FARP1: variants seen among roughly 807,000 people sequenced by gnomAD.
FARP1 encodes the protein FERM, ARH/RhoGEF and pleckstrin domain protein 1.
A neutral mutation model predicts 128.8 loss-of-function variants in FARP1; 52 were observed. The observed-to-expected ratio is 0.40, with a 90% CI of 0.32 to 0.51. The LOEUF (loss-of-function observed/expected upper bound fraction) is 0.51. Ranked by LOEUF, FARP1 falls within the 20% of genes least tolerant of loss-of-function variation. FARP1 has a pLI of 0.45. For missense variants in FARP1, 1,333 were observed against 1,367.9 expected (o/e 0.97, Z 0.40); for synonymous variants, 580 against 551.8 (o/e 1.05, Z -0.72).
intron 17 of FARP1, among the ~76,000 whole-genome samples, chr13:98,426,291 G>C (rs7996557): frequency 0.081 from 12,391 of 152,138 alleles, 1,464 homozygotes; most frequent in African/African-American, 0.26. Flanking sequence ...AAGTTTGAGA[G>C]CAGCCTAGAC....
At chr13:98,259,068 G>T (rs1481100497) in intron 2 of FARP1, among the ~76,000 whole-genome samples, 5 of 151,992 alleles carry the variant, frequency 3.3e-5, no homozygotes, top group Non-Finnish European at 7.4e-5. Flanking sequence ...AAAAAAATCT[G>T]AGTGTGGTAG....
chr13:98,398,206 A>AATCATTTGATT (rs1890629724), intron 13 of FARP1: 3 of 152,218 alleles, frequency 2.0e-5, no homozygotes, highest in African/African-American at 7.2e-5. Flanking sequence ...CCATTTTTAT[A>AATCATTTGATT]CAGACTTTTT....
chr13:98,385,028 G>A (rs1890045237), intron 7 of FARP1, among the ~76,000 whole-genome samples, 184 bp downstream of exon 7: 1 of 152,122 alleles, frequency 6.6e-6, no homozygotes, highest in South Asian at 2.1e-4. Context: ...AGAAGCACAG[G>A]TCACCCACTG....
At chr13:98,288,079 C>T (rs761384504) in intron 2 of FARP1, among the ~76,000 whole-genome samples, 1 of 152,118 alleles carries the variant, frequency 6.6e-6, no homozygotes, top group Non-Finnish European at 1.5e-5. Context: ...GGATTACAGA[C>T]GTGAGCCTCC....
At position 98,245,704 on chromosome 13, in the gene FARP1, C is replaced by T. The variant is rs147779838; in HGVS notation, c.171+32291C>T. On this transcript the variant is annotated intron_variant, in intron 2 of 26. Coordinates refer to ENST00000319562, the MANE Select transcript of FARP1 (RefSeq NM_005766.4). ...TACAAAGGTGTTACATGGTTACTTA[C>T]AGTAACAATTTCGAGCAGCACAGAA... Among the ~76,000 whole-genome samples, 614 of 152,282 alleles carry T rather than the reference C, an allele frequency of 4.0e-3. 11 individuals carry two copies. Among genetic ancestry groups the T allele is most frequent in the African/African-American group, 0.014 (568 of 41,562 alleles).
At chr13:98,209,006 T>G (rs1880481010) in intron 1 of FARP1, among the ~76,000 whole-genome samples, 1 of 152,130 alleles carries the variant, frequency 6.6e-6, no homozygotes, top group South Asian at 2.1e-4. Flanking sequence ...TCCTGAGTTT[T>G]GTTTGTTTGT....
chr13:98,444,000 C>T lies in FARP1; in HGVS notation c.2797-2098C>T, dbSNP rs1161030977. 4.9e-5 allele frequency among the ~76,000 whole-genome samples: 7 copies of T among 142,504 alleles called. No individual in the cohort carries two copies. The South Asian group carries it at 1.4e-3, about 28-fold the overall frequency. The allele number at this position is 142,504 out of a possible 152,430, so 93.5% of individuals were successfully genotyped here. ...GGCCACAGAAACATCTCCCACAGTG[C>T]GGGAAGCCGGAAGTCCAAAATCAAG... On this transcript the variant is annotated intron_variant, in intron 24 of 26. Transcript: ENST00000319562.
At chr13:98,286,569 A>G (rs1355242666) in intron 2 of FARP1, among the ~76,000 whole-genome samples, 3 of 152,120 alleles carry the variant, frequency 2.0e-5, no homozygotes, top group African/African-American at 4.8e-5. Context: ...ACCTTCTGCC[A>G]TAATTTTGAG....
intron 17 of FARP1, chr13:98,425,367 G>C (rs1189566788): frequency 6.8e-6 from 1 of 147,468 alleles, no homozygotes; most frequent in Non-Finnish European, 1.5e-5. Context: ...GGCAAATATA[G>C]TTTTTTTTTT....
intron 5 of FARP1, among the ~76,000 whole-genome samples, chr13:98,369,371 T>TA (rs1023974077): frequency 3.0e-5 from 4 of 131,876 alleles, no homozygotes; most frequent in Non-Finnish European, 6.5e-5. Context: ...TTTTTTTTTT[T>TA]ATCATTATTA....
intron 2 of FARP1, among the ~76,000 whole-genome samples, chr13:98,340,341 C>T (rs1178228704): frequency 6.6e-6 from 1 of 152,084 alleles, no homozygotes; most frequent in Non-Finnish European, 1.5e-5. Context: ...GGAATTCTTC[C>T]ACAAGTTCTT....
At chr13:98,160,471 A>G (rs1267128607) in intron 1 of FARP1, among the ~76,000 whole-genome samples, 1 of 152,166 alleles carries the variant, frequency 6.6e-6, no homozygotes, top group Non-Finnish European at 1.5e-5. Flanking sequence ...AAATTTAAAA[A>G]TAGCCTCGTT....
intron 2 of FARP1, among the ~76,000 whole-genome samples, chr13:98,268,667 C>T (rs1884245352): frequency 6.6e-6 from 1 of 151,908 alleles, no homozygotes; most frequent in African/African-American, 2.4e-5. Flanking sequence ...AGGGTTTCAT[C>T]ATGTTGGCCA....
At chr13:98,261,102 AG>A (rs746110152) in intron 2 of FARP1, among the ~76,000 whole-genome samples, 2 of 152,248 alleles carry the variant, frequency 1.3e-5, no homozygotes, top group South Asian at 4.1e-4. Context: ...GGGAATGCAC[AG>A]TGCATTGCTG....
At chr13:98,280,432 A>G (rs1466467892) in intron 2 of FARP1, among the ~76,000 whole-genome samples, 1 of 152,020 alleles carries the variant, frequency 6.6e-6, no homozygotes, top group South Asian at 2.1e-4. Flanking sequence ...CTCTTTCCTC[A>G]TGTCTTGGCC....
intron 2 of FARP1, among the ~76,000 whole-genome samples, chr13:98,277,262 C>A (rs1884707176): frequency 6.6e-6 from 1 of 152,164 alleles, no homozygotes; most frequent in Non-Finnish European, 1.5e-5. Context: ...AAGTGGTCCT[C>A]TGGCCATGGC....
At chr13:98,323,638 C>A (rs928706450) in intron 2 of FARP1, among the ~76,000 whole-genome samples, 2 of 152,046 alleles carry the variant, frequency 1.3e-5, no homozygotes, top group African/African-American at 4.8e-5. Flanking sequence ...TGAAGGCCAC[C>A]TTTTAAGGTT....
chr13:98,273,606 T>A (rs1884491750), intron 2 of FARP1, among the ~76,000 whole-genome samples: 1 of 152,250 alleles, frequency 6.6e-6, no homozygotes, highest in African/African-American at 2.4e-5. Flanking sequence ...GCCTGGGGCC[T>A]CATCTCTCTA....
chr13:98,360,518 C>T (rs1321976098), intron 3 of FARP1, among the ~76,000 whole-genome samples: 1 of 152,140 alleles, frequency 6.6e-6, no homozygotes, highest in Non-Finnish European at 1.5e-5. Context: ...AAGGATGCAT[C>T]GAGGTGGCAG....
Sources: gnomAD v4.1 joint callset for allele counts (sites outside exome capture counted in the v4.1 genomes callset) on GRCh38, gnomAD v4.1.1 for gene constraint, MANE v1.5 for transcripts, NCBI Gene and HGNC (gene_info 2026-07-23, HGNC 2026-07-21) for gene names.